Variants in SLC30A8 observed in about 807,000 individuals in gnomAD.
SLC30A8 encodes the protein solute carrier family 30 member 8.
In SLC30A8, 27 loss-of-function variants were observed where a neutral mutation model predicts 36.9. The observed-to-expected ratio is 0.73, with a 90% CI of 0.54 to 1.01. The LOEUF is 1.01. Ranked by LOEUF, SLC30A8 falls within the 50% of genes least tolerant of loss-of-function variation. SLC30A8 has a pLI of 0.00. For missense variants in SLC30A8, 439 were observed against 452.0 expected (o/e 0.97, Z 0.26); for synonymous variants, 164 against 172.4 (o/e 0.95, Z 0.38).
intron 2 of SLC30A8, among the ~76,000 whole-genome samples, chr8:117,054,096 A>ATTTT (rs1586448380): frequency 8.4e-6 from 1 of 119,198 alleles, no homozygotes; most frequent in Non-Finnish European, 1.8e-5. Context: ...TACTGCAAAA[A>ATTTT]TCTTTTTTTT....
At chr8:117,081,279 C>T (rs1246588437) in intron 2 of SLC30A8, among the ~76,000 whole-genome samples, 1 of 152,150 alleles carries the variant, frequency 6.6e-6, no homozygotes, top group Non-Finnish European at 1.5e-5. Flanking sequence ...GCTTAAATAA[C>T]AGAAATATTA....
At chr8:117,055,632 A>G (rs1310782943) in intron 2 of SLC30A8, among the ~76,000 whole-genome samples, 2 of 152,222 alleles carry the variant, frequency 1.3e-5, no homozygotes, top group African/African-American at 4.8e-5. Context: ...TGTGATCATC[A>G]TTATATTTCC....
intron 1 of SLC30A8, among the ~76,000 whole-genome samples, chr8:117,003,578 C>T (rs1055779604): frequency 2.0e-5 from 3 of 152,136 alleles, no homozygotes; most frequent in African/African-American, 7.2e-5. Flanking sequence ...ATTCTGCTGC[C>T]GTTCTTTTGT....
Position 117,031,446 on chromosome 8 carries a change from CTTCT to C in SLC30A8, c.-265-7767_-265-7764del, listed in dbSNP as rs145222780. The stretch of plus-strand genomic sequence containing the variant: ...TCTTGAATTCTTCTTCTTCTTCTTT[CTTCT>C]TTCTTCTTCTTCTTTTCTTTTTTTT... On this transcript the variant is annotated intron_variant, in intron 1 of 10. Coordinates refer to the SLC30A8 transcript ENST00000427715. Among the ~76,000 whole-genome samples, 1,057 of 150,774 alleles carry C rather than the reference CTTCT, an allele frequency of 7.0e-3. 7 individuals carry two copies. Among genetic ancestry groups the C allele is most frequent in the African/African-American group, 0.024 (980 of 41,026 alleles).
intron 1 of SLC30A8, among the ~76,000 whole-genome samples, chr8:117,035,979 CT>C (rs55847714): frequency 0.43 from 65,762 of 151,872 alleles, 14,881 homozygotes; most frequent in East Asian, 0.55. Flanking sequence ...CCCTCCTACT[CT>C]TCCAGGCTTG....
chr8:117,048,701 C>G (rs185574781), intron 2 of SLC30A8, among the ~76,000 whole-genome samples: 15 of 152,046 alleles, frequency 9.9e-5, no homozygotes, highest in Admixed American at 2.6e-4. Flanking sequence ...CTATTGTGTT[C>G]TATAGCCTGC....
At chr8:117,155,664 C>T (rs1302570296) in intron 3 of SLC30A8, among the ~76,000 whole-genome samples, 1 of 152,086 alleles carries the variant, frequency 6.6e-6, no homozygotes, top group Non-Finnish European at 1.5e-5. Flanking sequence ...TAATATATTA[C>T]ATTACTTGGT....
intron 1 of SLC30A8, among the ~76,000 whole-genome samples, chr8:116,982,142 T>TTTTGA (rs1815289892): frequency 6.6e-6 from 1 of 152,184 alleles, no homozygotes; most frequent in South Asian, 2.1e-4. Context: ...CTCATTGTGG[T>TTTTGA]TTTGATTTGT....
intron 4 of SLC30A8, among the ~76,000 whole-genome samples, chr8:117,159,805 C>A (rs1374784099): frequency 7.2e-5 from 11 of 152,178 alleles, no homozygotes; most frequent in Non-Finnish European, 1.6e-4. Flanking sequence ...TGTCTTGATG[C>A]TACACAAAGA....
chr8:116,974,308 TC>T (rs757540431), intron 1 of SLC30A8, among the ~76,000 whole-genome samples: 6 of 152,122 alleles, frequency 3.9e-5, no homozygotes, highest in Non-Finnish European at 5.9e-5. Context: ...AGGGCTAATA[TC>T]CGGAATCTAC....
chr8:117,054,867 A>G (rs1023778769), intron 2 of SLC30A8, among the ~76,000 whole-genome samples: 4 of 152,174 alleles, frequency 2.6e-5, no homozygotes, highest in African/African-American at 9.7e-5. Flanking sequence ...TCAGAGCCCT[A>G]AAAGTCATAT....
intron 1 of SLC30A8, among the ~76,000 whole-genome samples, chr8:116,977,945 GA>G (rs1815110543): frequency 6.6e-6 from 1 of 151,998 alleles, no homozygotes; most frequent in Non-Finnish European, 1.5e-5. Context: ...TGTTTCCCAT[GA>G]ACGTTCCTTT....
At chr8:117,073,052 A>G (rs1818379508) in intron 2 of SLC30A8, among the ~76,000 whole-genome samples, 1 of 152,056 alleles carries the variant, frequency 6.6e-6, no homozygotes, top group Admixed American at 6.6e-5. Flanking sequence ...TCAGTTGCTG[A>G]GGTTGCTTTA....
intron 1 of SLC30A8, among the ~76,000 whole-genome samples, chr8:117,144,824 C>G (rs1821826493): frequency 6.6e-6 from 1 of 152,074 alleles, no homozygotes; most frequent in Admixed American, 6.6e-5. Context: ...TTTCCCTATT[C>G]TCAGCTCTAT....
intron 3 of SLC30A8, among the ~76,000 whole-genome samples, chr8:117,156,272 A>C (rs1359639100): frequency 6.6e-6 from 1 of 152,014 alleles, no homozygotes; most frequent in East Asian, 1.9e-4. Context: ...TGAACTATTG[A>C]CCTCAGGCAA....
intron 2 of SLC30A8, among the ~76,000 whole-genome samples, chr8:117,098,916 A>T (rs1183250591): frequency 6.6e-6 from 1 of 152,144 alleles, no homozygotes; most frequent in Non-Finnish European, 1.5e-5. Flanking sequence ...TTCTGTTACA[A>T]TGCTAGAAAC....
chr8:116,954,355 T>C (rs1332968475), intron 1 of SLC30A8, among the ~76,000 whole-genome samples: 1 of 151,880 alleles, frequency 6.6e-6, no homozygotes. Flanking sequence ...GTGGAAGAAA[T>C]TAACTAAAAC....
chr8:117,167,507 A>C, intron 6 of SLC30A8, among the ~76,000 whole-genome samples: 1 of 151,764 alleles, frequency 6.6e-6, no homozygotes, highest in Non-Finnish European at 1.5e-5. Context: ...ACATACATGT[A>C]TATGTATATG....
chr8:117,053,204 G>A (rs968483901), intron 2 of SLC30A8, among the ~76,000 whole-genome samples: 1 of 152,112 alleles, frequency 6.6e-6, no homozygotes, highest in African/African-American at 2.4e-5. Flanking sequence ...GCTGGGATTA[G>A]AGGCGTGAGC....
Sources: gnomAD v4.1 joint callset for allele counts (sites outside exome capture counted in the v4.1 genomes callset) on GRCh38, gnomAD v4.1.1 for gene constraint, MANE v1.5 for transcripts, NCBI Gene and HGNC (gene_info 2026-07-23, HGNC 2026-07-21) for gene names.